The following MKLN1 variants were observed in gnomAD, a reference collection of about 807,000 sequenced individuals.
The protein encoded by MKLN1 is muskelin 1, also known as muskelin.
A neutral mutation model predicts 99.0 loss-of-function variants in MKLN1; 18 were observed. The observed-to-expected ratio is 0.18, with a 90% CI of 0.13 to 0.27. MKLN1 has a LOEUF of 0.27. Among genes scored for constraint, MKLN1 ranks in the 10% least tolerant of loss-of-function variants. The pLI is 1.00. For missense variants in MKLN1, 621 were observed against 875.9 expected, an observed-to-expected ratio of 0.71 and a Z score of 3.67; for synonymous variants, 288 against 293.2, an observed-to-expected ratio of 0.98 and a Z score of 0.18.
At chr7:131,477,549 G>C (rs556929301) in intron 16 of MKLN1, among the ~76,000 whole-genome samples, 2 of 152,228 alleles carry the variant, frequency 1.3e-5, no homozygotes, top group Non-Finnish European at 2.9e-5. Context: ...AACAATCTTT[G>C]CAGTAGATAT....
chr7:131,119,040 CTTAAAAG>C (rs1354038267), intron 1 of MKLN1, among the ~76,000 whole-genome samples: 2 of 152,182 alleles, frequency 1.3e-5, no homozygotes, highest in Admixed American at 1.3e-4. Flanking sequence ...CCAGCATTAA[CTTAAAAG>C]TTTAAGTCCA....
chr7:131,407,369 TC>T (rs1794738855), intron 6 of MKLN1, among the ~76,000 whole-genome samples: 1 of 152,054 alleles, frequency 6.6e-6, no homozygotes, highest in Non-Finnish European at 1.5e-5. Context: ...GCTACTTTCA[TC>T]TATTGCAGGC....
rs1201725341 is a variant in MKLN1 at position 131,307,728 on chromosome 7, AT to A, written c.-178-67694del. 2.6e-5 allele frequency among the ~76,000 whole-genome samples: 4 copies of A among 152,200 alleles called. No homozygotes were observed. The East Asian group carries it at 7.7e-4, about 29-fold the overall frequency. On this transcript the variant is annotated intron_variant, in intron 3 of 7. Transcript: ENST00000416992. ...GCATTTACCCAATACCTGAACCCCT[AT>A]TGTATCTTGGAAGTAACTAACTTGT...
At chr7:131,314,778 T>TA (rs1798633444) in intron 3 of MKLN1, among the ~76,000 whole-genome samples, 2 of 151,632 alleles carry the variant, frequency 1.3e-5, no homozygotes, top group African/African-American at 2.4e-5. Context: ...GAAAGAAAAA[T>TA]AAAAAAATAG....
intron 3 of MKLN1, among the ~76,000 whole-genome samples, chr7:131,205,914 A>G (rs1796803358): frequency 6.7e-6 from 1 of 149,032 alleles, no homozygotes; most frequent in Admixed American, 6.7e-5. Flanking sequence ...TTTTTTCTGA[A>G]ACAGAGTCTT....
intron 2 of MKLN1, among the ~76,000 whole-genome samples, chr7:131,176,441 T>A (rs1282449256): frequency 6.6e-6 from 1 of 152,230 alleles, no homozygotes; most frequent in Non-Finnish European, 1.5e-5. Flanking sequence ...TCCTTGTTGG[T>A]ACAAAAAGTG....
chr7:131,133,037 C>G (rs530063428), intron 1 of MKLN1, among the ~76,000 whole-genome samples: 1 of 151,118 alleles, frequency 6.6e-6, no homozygotes, highest in African/African-American at 2.4e-5. Context: ...GTACCAAGCC[C>G]GATGCTTTAG....
At chr7:131,427,101 GATCAC>G in intron 8 of MKLN1, among the ~76,000 whole-genome samples, 1 of 152,230 alleles carries the variant, frequency 6.6e-6, no homozygotes, top group East Asian at 1.9e-4. Flanking sequence ...GACCTGTACT[GATCAC>G]CCAGTTAGTA....
rs567534434 is a variant in MKLN1 at position 131,414,756 on chromosome 7, G to A, written c.847+46G>A. The A allele has an allele frequency of 2.5e-5, 26 of 1,049,154 alleles. No homozygotes were observed. The South Asian group carries it at 3.2e-4, about 13-fold the overall frequency. The allele number at this position is 1,049,154 out of a possible 1,614,324, so 65.0% of individuals were successfully genotyped here. A position where few individuals can be genotyped will look rare whatever the true frequency, so the allele number is the denominator to read the frequency against. On this transcript the variant is annotated intron_variant, in intron 8 of 17. Transcript: ENST00000352689. ...AAAGCAAAATCTTCATTGGCTACAG[G>A]CATCGTCTAAACCAGGCAGTGGCAG... is the stretch of plus-strand genomic sequence containing the variant.
chr7:131,316,178 T>G (rs1798665551), intron 3 of MKLN1, among the ~76,000 whole-genome samples: 1 of 151,876 alleles, frequency 6.6e-6, no homozygotes. Context: ...CCAACAGGGG[T>G]TGACAGACAC....
At chr7:131,363,074 G>A (rs1800077294) in intron 1 of MKLN1, among the ~76,000 whole-genome samples, 1 of 151,934 alleles carries the variant, frequency 6.6e-6, no homozygotes, top group Non-Finnish European at 1.5e-5. Context: ...ACATCTTAGA[G>A]TGGATTTTTA....
At chr7:131,152,398 A>T (rs552211364) in intron 2 of MKLN1, among the ~76,000 whole-genome samples, 34 of 152,360 alleles carry the variant, frequency 2.2e-4, no homozygotes, top group African/African-American at 7.5e-4. Flanking sequence ...ATCTACATTA[A>T]CTAATACAAT....
At chr7:131,118,112 G>A (rs1584770887) in intron 1 of MKLN1, among the ~76,000 whole-genome samples, 1 of 152,164 alleles carries the variant, frequency 6.6e-6, no homozygotes, top group South Asian at 2.1e-4. Context: ...CGCTCAATTA[G>A]GTCATAAGAG....
At chr7:131,277,394 C>T (rs1797990122) in intron 3 of MKLN1, among the ~76,000 whole-genome samples, 1 of 151,970 alleles carries the variant, frequency 6.6e-6, no homozygotes, top group African/African-American at 2.4e-5. Context: ...AGCGATTCTC[C>T]TGCCTCAGCC....
At chr7:131,225,342 T>TCAGAGCC (rs993088227) in intron 3 of MKLN1, among the ~76,000 whole-genome samples, 6 of 152,140 alleles carry the variant, frequency 3.9e-5, no homozygotes, top group Non-Finnish European at 8.8e-5. Context: ...AGGGTACTAA[T>TCAGAGCC]CAGAGCCCCT....
chr7:131,185,585 A>G (rs1051437641), intron 2 of MKLN1, among the ~76,000 whole-genome samples: 2 of 151,988 alleles, frequency 1.3e-5, no homozygotes, highest in African/African-American at 4.8e-5. Context: ...CTCAAAAAAA[A>G]ATAAAAAATA....
chr7:131,290,435 A>G (rs1308913699), intron 3 of MKLN1, among the ~76,000 whole-genome samples: 3 of 152,202 alleles, frequency 2.0e-5, no homozygotes, highest in African/African-American at 7.2e-5. Flanking sequence ...ATCTCTCCCA[A>G]CTAAAGGGTA....
At chr7:131,351,710 C>T (rs1433869039) in intron 1 of MKLN1, among the ~76,000 whole-genome samples, 1 of 152,150 alleles carries the variant, frequency 6.6e-6, no homozygotes, top group East Asian at 1.9e-4. Flanking sequence ...GCAATCCTCC[C>T]ACATTGGCCT....
chr7:131,331,308 A>C (rs1191413928), intron 1 of MKLN1, among the ~76,000 whole-genome samples: 1 of 152,212 alleles, frequency 6.6e-6, no homozygotes, highest in Non-Finnish European at 1.5e-5. Context: ...TGTGACTTTA[A>C]TAACAGTCAC....
Sources: allele counts gnomAD v4.1 joint callset (sites outside exome capture counted in the v4.1 genomes callset), GRCh38; gene constraint gnomAD v4.1.1; transcripts MANE v1.5; gene names NCBI Gene and HGNC (gene_info 2026-07-23, HGNC 2026-07-21).